MCC: variants seen among roughly 807,000 people sequenced by gnomAD.
MCC encodes the protein MCC regulator of Wnt signaling pathway.
Under a neutral mutation model 116.2 loss-of-function variants are expected in MCC, and 90 were observed. The ratio of observed to expected loss-of-function variants is 0.77; its 90% CI spans 0.65 to 0.92. The LOEUF is 0.92. Among genes scored for constraint, MCC ranks in the 40% least tolerant of loss-of-function variants. The pLI is 0.00. For missense variants in MCC, 1,516 were observed against 1,312.2 expected (o/e 1.16, Z -2.40); for synonymous variants, 578 against 510.5 (o/e 1.13, Z -1.78).
chr5:113,409,085 G>C (rs1769910217), intron 1 of MCC, among the ~76,000 whole-genome samples: 1 of 152,172 alleles, frequency 6.6e-6, no homozygotes, highest in Non-Finnish European at 1.5e-5. Context: ...CTTTAGGCTG[G>C]AATAGAAGGA....
chr5:113,170,421 T>C (rs1306086430), intron 3 of MCC, among the ~76,000 whole-genome samples: 1 of 152,154 alleles, frequency 6.6e-6, no homozygotes, highest in East Asian at 1.9e-4. Flanking sequence ...AAACCACAAC[T>C]GCATGAATGG....
At chr5:113,332,668 C>T (rs1392323179) in intron 3 of MCC, among the ~76,000 whole-genome samples, 2 of 151,352 alleles carry the variant, frequency 1.3e-5, no homozygotes, top group African/African-American at 2.5e-5. Flanking sequence ...AAAATGGTTG[C>T]CGTTTTACTA....
chr5:113,278,636 G>A (rs1765919459), intron 3 of MCC, among the ~76,000 whole-genome samples: 1 of 152,184 alleles, frequency 6.6e-6, no homozygotes, highest in Non-Finnish European at 1.5e-5. Flanking sequence ...CAAATGTGAA[G>A]TTGTGAAGTC....
intron 5 of MCC, among the ~76,000 whole-genome samples, chr5:113,135,035 G>C (rs1182886568): frequency 6.7e-6 from 1 of 149,714 alleles, no homozygotes; most frequent in East Asian, 2.0e-4. Flanking sequence ...TCCGCCTCCC[G>C]GGTTCAAGCA....
At chr5:113,298,851 A>G (rs1056119113) in intron 3 of MCC, among the ~76,000 whole-genome samples, 10 of 152,228 alleles carry the variant, frequency 6.6e-5, no homozygotes. Flanking sequence ...ACGAAGACTA[A>G]TGATAATTTG....
chr5:113,128,730 G>A (rs1351053782), intron 5 of MCC, among the ~76,000 whole-genome samples: 1 of 152,150 alleles, frequency 6.6e-6, no homozygotes, highest in Non-Finnish European at 1.5e-5. Context: ...GACCACACAG[G>A]AAAACAGGGA....
intron 3 of MCC, among the ~76,000 whole-genome samples, chr5:113,195,542 G>A (rs1425062938): frequency 6.6e-6 from 1 of 152,022 alleles, no homozygotes; most frequent in Non-Finnish European, 1.5e-5. Flanking sequence ...CCCATCTGTG[G>A]GCTCTGGGCC....
chr5:113,123,927 G>A (rs1757878584), intron 5 of MCC, among the ~76,000 whole-genome samples: 1 of 152,172 alleles, frequency 6.6e-6, no homozygotes, highest in South Asian at 2.1e-4. Flanking sequence ...TACAGTGTTG[G>A]ATTCTGGGTG....
chr5:113,278,426 T>C (rs774444884), intron 3 of MCC, among the ~76,000 whole-genome samples: 3 of 152,176 alleles, frequency 2.0e-5, no homozygotes, highest in Non-Finnish European at 4.4e-5. Context: ...TCCTCAGGCC[T>C]TTACAGTGTA....
intron 5 of MCC, among the ~76,000 whole-genome samples, chr5:113,128,359 T>A (rs143870732): frequency 6.6e-6 from 1 of 152,354 alleles, no homozygotes; most frequent in Admixed American, 6.5e-5. Context: ...CATTCTTTCT[T>A]AAATTAAGAG....
chr5:113,169,638 CAT>C (rs386691237), intron 3 of MCC, among the ~76,000 whole-genome samples: 3,591 of 152,242 alleles, frequency 0.024, 140 homozygotes, highest in African/African-American at 0.081. Flanking sequence ...TATGGGGTCA[CAT>C]TCTGGCCATG....
At chr5:113,032,408 C>CAAAAAA (rs376957827) in intron 17 of MCC, among the ~76,000 whole-genome samples, 1 of 63,334 alleles carries the variant, frequency 1.6e-5, no homozygotes, top group African/African-American at 4.8e-5. Context: ...AACTCTGTAT[C>CAAAAAA]AAAAAAAAAA....
chr5:113,156,481 C>A (rs927038867), intron 3 of MCC, among the ~76,000 whole-genome samples: 2 of 152,178 alleles, frequency 1.3e-5, no homozygotes, highest in Non-Finnish European at 2.9e-5. Flanking sequence ...GACACTCAGA[C>A]TAGGAAAACA....
chr5:113,269,206 T>C (rs919777238), intron 3 of MCC: 20 of 985,396 alleles, frequency 2.0e-5, no homozygotes, highest in Non-Finnish European at 2.4e-5. Context: ...GTTCCCTCCC[T>C]GGCGTCAGGG....
At chr5:113,035,560 A>G (rs888845) in intron 17 of MCC, among the ~76,000 whole-genome samples, 21,584 of 152,108 alleles carry the variant, frequency 0.14, 1,572 homozygotes, top group East Asian at 0.21. Flanking sequence ...CCTGAGTGCT[A>G]CTTGCTGGGC....
At chr5:113,433,763 T>C (rs368983560) in intron 1 of MCC, 6 of 1,613,624 alleles carry the variant, frequency 3.7e-6, no homozygotes, top group Admixed American at 3.3e-5. Flanking sequence ...CTGGAGGCTG[T>C]TGGGGGGGCC....
chr5:113,096,735 T>A (rs1756049945), intron 8 of MCC, among the ~76,000 whole-genome samples: 1 of 152,178 alleles, frequency 6.6e-6, no homozygotes, highest in South Asian at 2.1e-4. Context: ...ATCAGAGACG[T>A]GCACCTGTCC....
chr5:113,099,347 T>C (rs889959189), intron 8 of MCC, among the ~76,000 whole-genome samples: 31 of 151,534 alleles, frequency 2.0e-4, no homozygotes, highest in African/African-American at 2.4e-5. Context: ...CAGGCCTGTA[T>C]GTGTGTGTGT....
chr5:113,406,055 C>G (rs1213577039), intron 1 of MCC, among the ~76,000 whole-genome samples: 5 of 151,986 alleles, frequency 3.3e-5, no homozygotes, highest in African/African-American at 4.8e-5. Flanking sequence ...TACTTCCAAC[C>G]AATATATAAA....
Sources: gnomAD v4.1 joint callset for allele counts (sites outside exome capture counted in the v4.1 genomes callset) on GRCh38, gnomAD v4.1.1 for gene constraint, MANE v1.5 for transcripts, NCBI Gene and HGNC (gene_info 2026-07-23, HGNC 2026-07-21) for gene names.